ERMP1: variants seen among roughly 807,000 people sequenced by gnomAD.
ERMP1 encodes the protein endoplasmic reticulum metallopeptidase 1.
ERMP1 carries 86 observed loss-of-function variants against 92.0 expected under a neutral mutation model. The observed-to-expected ratio is 0.93, with a 90% CI of 0.79 to 1.12. ERMP1 has a LOEUF of 1.12. Ranked by LOEUF, ERMP1 falls within the 50% of genes most tolerant of loss-of-function variation. ERMP1 has a pLI of 0.00. For missense variants in ERMP1, 1,342 were observed against 1,116.3 expected, an observed-to-expected ratio of 1.20 and a Z score of -2.88; for synonymous variants, 530 against 412.8, an observed-to-expected ratio of 1.28 and a Z score of -3.44.
intron 4 of ERMP1, among the ~76,000 whole-genome samples, chr9:5,823,633 C>T (rs1328595211): frequency 6.6e-6 from 1 of 152,136 alleles, no homozygotes; most frequent in Non-Finnish European, 1.5e-5. Flanking sequence ...ACTTATCTTA[C>T]ATGTTGTTTG....
chr9:5,821,190 T>C (rs192982239), intron 4 of ERMP1, among the ~76,000 whole-genome samples: 3 of 152,364 alleles, frequency 2.0e-5, no homozygotes, highest in East Asian at 3.9e-4. Context: ...AAAGTGATCA[T>C]ATACATTGCA....
At chr9:5,840,565 C>T (rs1175321833) in intron 6 of ERMP1, among the ~76,000 whole-genome samples, 1 of 152,254 alleles carries the variant, frequency 6.6e-6, no homozygotes. Flanking sequence ...TGCATAGCAC[C>T]TTGCCACACC....
intron 5 of ERMP1, among the ~76,000 whole-genome samples, chr9:5,865,267 G>A (rs1393773102): frequency 6.9e-6 from 1 of 144,596 alleles, no homozygotes; most frequent in South Asian, 2.2e-4. Context: ...AGCACTTTGG[G>A]AGGCCAAGGC....
chr9:5,825,409 G>A (rs969660946), intron 2 of ERMP1, among the ~76,000 whole-genome samples, 190 bp from the exon 3 acceptor site: 7 of 152,276 alleles, frequency 4.6e-5, no homozygotes, highest in African/African-American at 1.7e-4. Flanking sequence ...ATCTTTGTCT[G>A]GTTTGCTCAC....
At chr9:5,811,019 C>T in intron 7 of ERMP1, 92 bp downstream of exon 7, 1 of 773,620 alleles carries the variant, frequency 1.3e-6, no homozygotes, top group Non-Finnish European at 2.1e-6. Context: ...AGATTTTTAG[C>T]TTTCTGGGAA....
intron 4 of ERMP1, among the ~76,000 whole-genome samples, chr9:5,813,783 G>C (rs921853460): frequency 2.0e-5 from 3 of 150,580 alleles, no homozygotes; most frequent in Non-Finnish European, 3.0e-5. Context: ...TTTTCCATCT[G>C]TATCTCATAC....
chr9:5,815,381 C>A (rs1829261823), intron 4 of ERMP1, among the ~76,000 whole-genome samples: 1 of 151,032 alleles, frequency 6.6e-6, no homozygotes, highest in Admixed American at 6.6e-5. Flanking sequence ...GGGGCTCAGG[C>A]ACTGATTTGA....
At chr9:5,805,914 C>G (rs1175381273) in intron 8 of ERMP1, 129 bp from the exon 9 acceptor site, 4 of 681,398 alleles carry the variant, frequency 5.9e-6, no homozygotes, top group African/African-American at 1.9e-5. Flanking sequence ...GCTCTTTAAA[C>G]TGATTTAAAG....
In ERMP1 at chr9:5,814,563, C is replaced by T. The variant is rs140533764; in HGVS notation, c.875-1528G>A. ...TTTAAGACCAGCCTGGCCAACATGG[C>T]AAAACCCCACCTCTACTAAAAATAC... On this transcript the variant is annotated intron_variant, in intron 4 of 14. Coordinates refer to ENST00000339450, the MANE Select transcript of ERMP1 (RefSeq NM_024896.3). 8.6e-3 allele frequency among the ~76,000 whole-genome samples: 1,306 copies of T among 152,102 alleles called. 18 individuals are homozygous for T. Among genetic ancestry groups the T allele is most frequent in the African/African-American group, 0.03 (1,246 of 41,482 alleles).
chr9:5,847,945 GAAC>G (rs1830259950), intron 6 of ERMP1, among the ~76,000 whole-genome samples: 1 of 149,324 alleles, frequency 6.7e-6, no homozygotes. Context: ...AAAAAAATCA[GAAC>G]AAAACAAACC....
At chr9:5,797,117 C>G (rs1828459788) in intron 13 of ERMP1, among the ~76,000 whole-genome samples, 1 of 152,102 alleles carries the variant, frequency 6.6e-6, no homozygotes, top group Non-Finnish European at 1.5e-5. Flanking sequence ...CAGCCTTGAC[C>G]TCCTGGGCTC....
chr9:5,799,939 A>C (rs890687918), intron 11 of ERMP1, among the ~76,000 whole-genome samples: 1 of 152,224 alleles, frequency 6.6e-6, no homozygotes, highest in African/African-American at 2.4e-5. Flanking sequence ...CTCACATAAA[A>C]TTTATCACAG....
intron 1 of ERMP1, 86 bp from the exon 2 acceptor site, chr9:5,831,114 C>A: frequency 9.5e-7 from 1 of 1,052,576 alleles, no homozygotes; most frequent in Non-Finnish European, 1.4e-6. Flanking sequence ...ACCCCTTCCT[C>A]CCCAAAAAAG....
At chr9:5,819,725 A>T (rs1218522771) in intron 4 of ERMP1, among the ~76,000 whole-genome samples, 2 of 152,192 alleles carry the variant, frequency 1.3e-5, no homozygotes, top group Non-Finnish European at 2.9e-5. Flanking sequence ...TGTTATTTAG[A>T]TTAACAATCT....
intron 11 of ERMP1, 151 bp downstream of exon 11, chr9:5,801,025 C>CT: frequency 3.3e-6 from 2 of 599,438 alleles, no homozygotes; most frequent in South Asian, 6.6e-5. Context: ...GACAGTCAGT[C>CT]TTCTCCTCAC....
At chr9:5,831,553 C>G (rs929473337) in intron 1 of ERMP1, among the ~76,000 whole-genome samples, 1 of 152,060 alleles carries the variant, frequency 6.6e-6, no homozygotes, top group Non-Finnish European at 1.5e-5. Flanking sequence ...GGCTACAGAC[C>G]CGAGATGGAG....
At chr9:5,812,750 G>A (rs987775839) in intron 5 of ERMP1, 139 bp downstream of exon 5, 11 of 925,372 alleles carry the variant, frequency 1.2e-5, no homozygotes, top group Non-Finnish European at 1.6e-5. Flanking sequence ...AACAAACTCT[G>A]TTTTAGTGAG....
intron 10 of ERMP1, 68 bp from the exon 11 acceptor site, chr9:5,801,396 T>C: frequency 6.7e-7 from 1 of 1,500,764 alleles, no homozygotes; most frequent in Non-Finnish European, 9.0e-7. Flanking sequence ...TGTTTTTAAC[T>C]AACTTTATTT....
chr9:5,843,278 C>T (rs1586835966), intron 6 of ERMP1, among the ~76,000 whole-genome samples: 1 of 152,182 alleles, frequency 6.6e-6, no homozygotes, highest in Non-Finnish European at 1.5e-5. Context: ...GCCAAATCTG[C>T]TATTTTTTCA....
Sources: allele counts gnomAD v4.1 joint callset (sites outside exome capture counted in the v4.1 genomes callset), GRCh38; gene constraint gnomAD v4.1.1; transcripts MANE v1.5; gene names NCBI Gene and HGNC (gene_info 2026-07-23, HGNC 2026-07-21).